Variants in KLF12 observed in about 807,000 individuals in gnomAD.
The protein encoded by KLF12 is KLF transcription factor 12, also known as Krueppel-like factor 12.
In KLF12, 9 loss-of-function variants were observed where a neutral mutation model predicts 37.8. The observed-to-expected ratio is 0.24, with a 90% confidence interval of 0.14 to 0.42. The LOEUF (loss-of-function observed/expected upper bound fraction) is 0.42, where lower values mean the gene tolerates loss of function less well. Ranked by LOEUF, KLF12 falls within the 10% of genes least tolerant of loss-of-function variation. KLF12 has a pLI of 1.00. For missense variants in KLF12, 411 were observed against 516.0 expected (o/e 0.80, Z 1.97); for synonymous variants, 208 against 202.1 (o/e 1.03, Z -0.25).
intron 7 of KLF12, among the ~76,000 whole-genome samples, chr13:73,708,106 A>C (rs1214574718): frequency 2.0e-5 from 3 of 152,220 alleles, no homozygotes. Context: ...CATACTCTGG[A>C]AACCATTAAA....
intron 2 of KLF12, among the ~76,000 whole-genome samples, chr13:73,985,581 C>T (rs1034340611): frequency 6.6e-6 from 1 of 152,158 alleles, no homozygotes; most frequent in Non-Finnish European, 1.5e-5. Context: ...TACTTACAGT[C>T]CTGGCTCTAA....
At position 73,831,619 on chromosome 13, in the gene KLF12, GA is replaced by G. The variant is rs373815438; in HGVS notation, c.670+14207del. ...GTGTTAGCCTGTTTGCTCCCATCCA[GA>G]AAGACCTTGCTGCAATTATTCAAGT... On this transcript the variant is annotated intron_variant, in intron 4 of 7. Coordinates refer to ENST00000377669, the MANE Select transcript of KLF12 (RefSeq NM_007249.5). 2.1e-3 allele frequency among the ~76,000 whole-genome samples: 323 copies of G among 152,268 alleles called. 1 individual carries two copies. Among genetic ancestry groups the G allele is most frequent in the African/African-American group, 6.8e-3 (283 of 41,552 alleles).
intron 6 of KLF12, among the ~76,000 whole-genome samples, chr13:73,751,581 T>C (rs1033346729): frequency 2.0e-5 from 3 of 151,990 alleles, no homozygotes; most frequent in Admixed American, 6.6e-5. Flanking sequence ...ATCAAATAAA[T>C]GTGGGTTATG....
intron 3 of KLF12, among the ~76,000 whole-genome samples, chr13:73,922,201 A>G (rs1183907085): frequency 2.0e-5 from 3 of 152,154 alleles, no homozygotes; most frequent in African/African-American, 7.2e-5. Context: ...TACACTGAAA[A>G]TTACTTTATT....
chr13:73,752,464 A>G (rs941623976), intron 6 of KLF12, among the ~76,000 whole-genome samples: 3 of 72,392 alleles, frequency 4.1e-5, no homozygotes, highest in African/African-American at 1.8e-4. Flanking sequence ...TGCCAATGGC[A>G]CCTACCTTTA....
chr13:73,872,269 T>G (rs1886508683), intron 3 of KLF12, among the ~76,000 whole-genome samples: 2 of 152,216 alleles, frequency 1.3e-5, no homozygotes, highest in African/African-American at 2.4e-5. Context: ...ACTTTCACCC[T>G]GGGTAAGCTG....
intron 3 of KLF12, among the ~76,000 whole-genome samples, chr13:73,872,195 T>C (rs1181454530): frequency 6.6e-6 from 1 of 152,172 alleles, no homozygotes; most frequent in Non-Finnish European, 1.5e-5. Context: ...TCTGTGTGTC[T>C]GGCCATTTGC....
the KLF12 span, among the ~76,000 whole-genome samples, chr13:74,248,946 T>C: frequency 1.3e-5 from 2 of 152,022 alleles, no homozygotes; most frequent in Admixed American, 6.6e-5. Context: ...GTGGGAACAA[T>C]GGACAGTCAG....
At chr13:74,293,205 G>A in the KLF12 span, among the ~76,000 whole-genome samples, 7,244 of 152,220 alleles carry the variant, frequency 0.048, 585 homozygotes, top group African/African-American at 0.16. Flanking sequence ...TACCCAAAGG[G>A]TGCCAGTGCT....
At chr13:73,796,077 T>C (rs1367086447) in intron 5 of KLF12, among the ~76,000 whole-genome samples, 1 of 152,212 alleles carries the variant, frequency 6.6e-6, no homozygotes, top group Non-Finnish European at 1.5e-5. Flanking sequence ...TTTACAGACA[T>C]ACACAAAAAC....
chr13:73,975,055 T>C (rs9573336), intron 2 of KLF12, among the ~76,000 whole-genome samples: 5,369 of 152,244 alleles, frequency 0.035, 280 homozygotes, highest in East Asian at 0.12. Flanking sequence ...TCACTGTACG[T>C]TCCTATTTTT....
rs991667423 is a variant in KLF12, at chr13:73,731,240, T to C, written c.870-15715A>G. On this transcript the variant is annotated intron_variant, in intron 6 of 7. Transcript: ENST00000377669. ...AGCATGGATGGCCAGGATAACATCA[T>C]TAGCCAACTTGGAGTCCACAGGAAA... is the stretch of plus-strand genomic sequence containing the variant. Among the ~76,000 whole-genome samples the C allele has an allele frequency of 3.9e-5, 6 of 152,264 alleles. No individual in the cohort carries two copies. In the South Asian group the frequency reaches 6.2e-4, roughly 16 times the overall value.
chr13:73,895,275 TG>T (rs1887708950), intron 3 of KLF12, among the ~76,000 whole-genome samples: 1 of 152,214 alleles, frequency 6.6e-6, no homozygotes, highest in Non-Finnish European at 1.5e-5. Flanking sequence ...TATAGATACA[TG>T]AGATCCTAGA....
intron 1 of KLF12, among the ~76,000 whole-genome samples, chr13:74,100,979 G>A (rs990180377): frequency 6.6e-6 from 1 of 152,126 alleles, no homozygotes; most frequent in African/African-American, 2.4e-5. Context: ...ATCAACCAGG[G>A]AAAATTAATC....
chr13:74,005,762 G>A (rs1194230322), intron 1 of KLF12, among the ~76,000 whole-genome samples: 1 of 152,144 alleles, frequency 6.6e-6, no homozygotes, highest in Admixed American at 6.6e-5. Context: ...CTTTATAAAT[G>A]GCAATCTTTG....
At position 73,943,982 on chromosome 13, in the gene KLF12, C is replaced by T. The variant is rs1255038767; in HGVS notation, c.122G>A (p.Gly41Glu). The T allele has an allele frequency of 6.2e-7, 1 of 1,603,760 alleles. No individual in the cohort carries two copies. Among genetic ancestry groups the T allele is most frequent in the East Asian group, 2.2e-5 (1 of 44,772 alleles). The change falls in exon 3 of 8, where the codon GGG becomes GAG. Residue 41 changes from glycine (G) to glutamate (E), a missense_variant and splice_region_variant. Physicochemically the swap from Gly to Glu is moderately conservative, Grantham distance 98 (BLOSUM62 -2). Coordinates refer to ENST00000377669, the MANE Select transcript of KLF12 (RefSeq NM_007249.5). ...GCATTGCTGGAAACTTGTGCTTACC[C>T]CTTGTTCAGATTCCAAAAGCTCTGT...
intron 3 of KLF12, among the ~76,000 whole-genome samples, chr13:73,898,561 T>C (rs1441742526): frequency 6.6e-6 from 1 of 152,082 alleles, no homozygotes; most frequent in Non-Finnish European, 1.5e-5. Flanking sequence ...ATTAAGTCCA[T>C]AATGAAAAAA....
chr13:73,983,144 G>A (rs564432198), intron 2 of KLF12, among the ~76,000 whole-genome samples: 1 of 152,094 alleles, frequency 6.6e-6, no homozygotes, highest in Admixed American at 6.5e-5. Flanking sequence ...CTCTCACCAA[G>A]GAATCCCTTT....
chr13:74,195,746 A>C, the KLF12 span, among the ~76,000 whole-genome samples: 1 of 152,066 alleles, frequency 6.6e-6, no homozygotes. Flanking sequence ...TTATAGGCAC[A>C]CACCACTATG....
Sources: allele counts gnomAD v4.1 joint callset (sites outside exome capture counted in the v4.1 genomes callset), GRCh38; gene constraint gnomAD v4.1.1; transcripts MANE v1.5; gene names NCBI Gene and HGNC (gene_info 2026-07-23, HGNC 2026-07-21).